SENP1: variants seen among roughly 807,000 people sequenced by gnomAD.
SENP1 encodes SUMO specific peptidase 1, also known as sentrin-specific protease 1.
Under a neutral mutation model 93.0 loss-of-function variants are expected in SENP1, and 21 were observed. That is an observed-to-expected ratio of 0.23 (90% CI 0.16 to 0.33). SENP1 has a LOEUF of 0.33. SENP1 is among the 10% of genes least tolerant of loss of function. SENP1 has a pLI of 1.00. For missense variants in SENP1, 591 were observed against 758.7 expected (o/e 0.78, Z 2.60); for synonymous variants, 256 against 259.6 (o/e 0.99, Z 0.13).
intron 17 of SENP1, among the ~76,000 whole-genome samples, chr12:48,045,593 TTA>T (rs1275581697): frequency 6.6e-6 from 1 of 152,200 alleles, no homozygotes; most frequent in Non-Finnish European, 1.5e-5. Context: ...GCCTTAGAAG[TTA>T]CACTGGGTAT....
chr12:48,105,676 T>C (rs1024133697), intron 1 of SENP1: 2 of 438,844 alleles, frequency 4.6e-6, no homozygotes, highest in Non-Finnish European at 4.3e-6. Context: ...AAGACCCAGC[T>C]CTGGCGGGAA....
chr12:48,055,894 TA>T (rs993046996), intron 13 of SENP1, among the ~76,000 whole-genome samples: 3 of 140,272 alleles, frequency 2.1e-5, no homozygotes, highest in Non-Finnish European at 4.5e-5. Context: ...ATGCAATATA[TA>T]AAAATATTAA....
chr12:48,063,051 A>G (rs1457467612), intron 13 of SENP1, among the ~76,000 whole-genome samples: 1 of 152,218 alleles, frequency 6.6e-6, no homozygotes, highest in Non-Finnish European at 1.5e-5. Context: ...TGTAAAAATA[A>G]CCTTCTAAAA....
At chr12:48,055,226 G>T in intron 13 of SENP1, 2 of 177,848 alleles carry the variant, frequency 1.1e-5, no homozygotes, top group South Asian at 2.5e-4. Context: ...ATCATATCAC[G>T]ACACTTTCCA....
rs758520219 is a variant in SENP1 at position 48,088,816 on chromosome 12, G to T, written c.365C>A (p.Thr122Asn). ...AAATACGAACCTTGAGGTCTTTCGG[G>T]TTTCGAGGTAAAGACTTCGGCTGTT... ...SRNSRSLYLETRKTSSGLSNS... is the reference protein window; with the variant it reads ...SRNSRSLYLENRKTSSGLSNS... The change falls in exon 5 of 18, where the codon ACC (threonine) becomes AAC (asparagine). Residue 122 changes from threonine to asparagine, a missense_variant. This residue lies in a region of SENP1 where 214 missense variants were observed against 243.4 expected (regional missense o/e 0.88). Transcript: ENST00000549518. 5 of 1,609,892 alleles carry T rather than the reference G, an allele frequency of 3.1e-6. No individual in the cohort carries two copies. The East Asian group carries it at 1.1e-4, about 36-fold the overall frequency.
chr12:48,044,372 ATATG>A lies in SENP1; in HGVS notation c.*946_*949del, dbSNP rs1203180909. ...TTTATACATACATATATATATATAT[ATATG>A]TATGTGTATATATATATGTATATAT... is the stretch of plus-strand genomic sequence containing the variant. On this transcript the variant is annotated 3_prime_UTR_variant, in exon 18 of 18. Transcript: ENST00000549518. The A allele has an allele frequency of 1.3e-5, 2 of 148,652 alleles. No homozygotes were observed. Among genetic ancestry groups the A allele is most frequent in the African/African-American group, 2.5e-5 (1 of 40,518 alleles). 9.2% of individuals were successfully genotyped at this position (148,652 alleles called of 1,614,324 possible). A position where few individuals can be genotyped will look rare whatever the true frequency, so the allele number is the denominator to read the frequency against.
At chr12:48,062,245 G>A (rs983676621) in intron 13 of SENP1, among the ~76,000 whole-genome samples, 1 of 152,102 alleles carries the variant, frequency 6.6e-6, no homozygotes, top group Non-Finnish European at 1.5e-5. Flanking sequence ...CACCAGCAAT[G>A]GCAGGAAATA....
chr12:48,065,565 T>A, intron 11 of SENP1, 31 bp downstream of exon 11: 4 of 1,401,398 alleles, frequency 2.9e-6, no homozygotes, highest in Non-Finnish European at 3.9e-6. Flanking sequence ...GTACTATTTA[T>A]TTGTAATATT....
intron 6 of SENP1, among the ~76,000 whole-genome samples, chr12:48,082,227 T>G (rs138906481): frequency 6.6e-6 from 1 of 152,308 alleles, no homozygotes; most frequent in Non-Finnish European, 1.5e-5. Flanking sequence ...CACAGCATTT[T>G]TAGTAACCAT....
At chr12:48,063,663 G>A (rs747152980) in intron 13 of SENP1, 47 bp downstream of exon 13, 2 of 1,572,410 alleles carry the variant, frequency 1.3e-6, no homozygotes, top group Non-Finnish European at 8.7e-7. Flanking sequence ...TAATTTAACT[G>A]CCACTTAATG....
chr12:48,095,672 G>C (rs1209729707), intron 4 of SENP1, among the ~76,000 whole-genome samples: 2 of 152,030 alleles, frequency 1.3e-5, no homozygotes, highest in African/African-American at 4.8e-5. Flanking sequence ...ATCTTTCTGA[G>C]TCCTACAGCC....
chr12:48,092,534 T>A (rs930593323), intron 4 of SENP1, among the ~76,000 whole-genome samples: 1 of 152,214 alleles, frequency 6.6e-6, no homozygotes, highest in Admixed American at 6.5e-5. Flanking sequence ...ATAAGCTTGT[T>A]TGATCAGGGA....
chr12:48,051,068 C>G (rs767420), intron 13 of SENP1, among the ~76,000 whole-genome samples: 1 of 145,454 alleles, frequency 6.9e-6, no homozygotes, highest in Non-Finnish European at 1.5e-5. Flanking sequence ...CCTCTGGAAT[C>G]GTAAGTCTGA....
At chr12:48,062,309 T>C (rs1162925249) in intron 13 of SENP1, among the ~76,000 whole-genome samples, 2 of 152,244 alleles carry the variant, frequency 1.3e-5, no homozygotes, top group Non-Finnish European at 2.9e-5. Flanking sequence ...CTTATAACTA[T>C]CCTTGATTTA....
chr12:48,056,088 C>T (rs1592306412), intron 13 of SENP1, among the ~76,000 whole-genome samples: 2 of 116,304 alleles, frequency 1.7e-5, no homozygotes, highest in Non-Finnish European at 1.6e-5. Context: ...ATATATTTAC[C>T]ATACAGTATA....
intron 13 of SENP1, among the ~76,000 whole-genome samples, chr12:48,056,112 A>ATAT (rs1223788653): frequency 8.4e-6 from 1 of 118,616 alleles, no homozygotes; most frequent in Non-Finnish European, 1.6e-5. Flanking sequence ...TATTTAATAT[A>ATAT]TATTTAAAAT....
At chr12:48,045,574 A>G (rs1941304108) in intron 17 of SENP1, among the ~76,000 whole-genome samples, 190 bp from the exon 18 acceptor site, 1 of 151,778 alleles carries the variant, frequency 6.6e-6, no homozygotes, top group Non-Finnish European at 1.5e-5. Context: ...GTTATTTTTC[A>G]CCATTATAGC....
At chr12:48,071,983 C>T (rs971199761) in intron 8 of SENP1, among the ~76,000 whole-genome samples, 1 of 152,172 alleles carries the variant, frequency 6.6e-6, no homozygotes, top group African/African-American at 2.4e-5. Flanking sequence ...TCCTCCTAGG[C>T]TGCACTTGCT....
chr12:48,058,973 G>A (rs1401327941), intron 13 of SENP1, among the ~76,000 whole-genome samples: 6 of 152,210 alleles, frequency 3.9e-5, no homozygotes, highest in Middle Eastern at 3.4e-3. Flanking sequence ...GGCCTGCATC[G>A]TTTCCGACAG....
Sources: gnomAD v4.1 joint callset for allele counts (sites outside exome capture counted in the v4.1 genomes callset) on GRCh38, gnomAD v4.1.1 for gene constraint, gnomAD v4.1.1 regional missense constraint, MANE v1.5 for transcripts, NCBI Gene and HGNC (gene_info 2026-07-23, HGNC 2026-07-21) for gene names.